The following MYOF variants were observed in gnomAD, a reference collection of about 807,000 sequenced individuals.
The protein encoded by MYOF is fer-1-like 3, myoferlin.
In MYOF, 244 loss-of-function variants were observed where a neutral mutation model predicts 284.2. The observed-to-expected ratio is 0.86, with a 90% CI of 0.77 to 0.95. MYOF has a LOEUF of 0.95. MYOF is among the 40% of genes least tolerant of loss of function. The pLI is 0.00. For synonymous variants in MYOF, 904 were observed against 919.7 expected, an observed-to-expected ratio of 0.98 and a Z score of 0.31; for missense variants, 2,496 against 2,560.6, an observed-to-expected ratio of 0.97 and a Z score of 0.54.
chr10:93,330,979 TTCAG>T (rs1486471761), intron 43 of MYOF, among the ~76,000 whole-genome samples: 1 of 152,236 alleles, frequency 6.6e-6, no homozygotes, highest in East Asian at 1.9e-4. Flanking sequence ...GAAAGAATTC[TTCAG>T]TCAAATAAGG....
In MYOF at chr10:93,397,292, T is replaced by TA. The variant is rs750996223; in HGVS notation, c.1291-3dup. On this transcript the variant is annotated splice_polypyrimidine_tract_variant and splice_region_variant and intron_variant, in intron 14 of 53. Transcript: ENST00000359263. ...TATTTTTTCACACACTGAAGGAAAC[T>TA]AAAAAAATGAGACAGAAAAAAGTAG... is the stretch of plus-strand genomic sequence containing the variant. 1.1e-5 allele frequency: 18 copies of TA among 1,602,454 alleles called. No homozygotes were observed. In the South Asian group the frequency reaches 1.4e-4, roughly 13 times the overall value.
intron 48 of MYOF, among the ~76,000 whole-genome samples, chr10:93,322,214 G>C (rs188503897): frequency 1.3e-3 from 193 of 152,180 alleles, no homozygotes; most frequent in Admixed American, 2.4e-3. Context: ...GTGAAACTTT[G>C]TTCTCACTTT....
intron 1 of MYOF, among the ~76,000 whole-genome samples, chr10:93,475,984 G>A (rs143142085): frequency 1.3e-4 from 20 of 152,304 alleles, no homozygotes; most frequent in Middle Eastern, 3.4e-3. Context: ...GAGTCTCTAA[G>A]CCTTGTTCTC....
chr10:93,428,063 A>G (rs1848673956), intron 4 of MYOF, among the ~76,000 whole-genome samples: 1 of 152,108 alleles, frequency 6.6e-6, no homozygotes, highest in African/African-American at 2.4e-5. Context: ...GTCCTTTGCA[A>G]ATAAGGATGG....
chr10:93,451,472 G>C (rs2056589058), intron 3 of MYOF, among the ~76,000 whole-genome samples: 1 of 152,168 alleles, frequency 6.6e-6, no homozygotes, highest in Admixed American at 6.5e-5. Flanking sequence ...ACGGGAACCT[G>C]TTTGGGAAGT....
intron 1 of MYOF, among the ~76,000 whole-genome samples, chr10:93,467,177 T>C (rs2057028722): frequency 6.6e-6 from 1 of 151,934 alleles, no homozygotes; most frequent in Non-Finnish European, 1.5e-5. Flanking sequence ...AATTTTATTA[T>C]TATTATACTT....
At chr10:93,438,134 T>C (rs532400410) in intron 3 of MYOF, among the ~76,000 whole-genome samples, 1 of 152,196 alleles carries the variant, frequency 6.6e-6, no homozygotes, top group South Asian at 2.1e-4. Context: ...TCCTGTTAGG[T>C]TGGGTTAGCC....
At chr10:93,369,109 G>GTTTTTTT (rs1564655832) in intron 25 of MYOF, among the ~76,000 whole-genome samples, 4 of 63,028 alleles carry the variant, frequency 6.3e-5, no homozygotes, top group African/African-American at 9.9e-5. Flanking sequence ...TATTCAGACA[G>GTTTTTTT]CTTTTTTTTT....
At chr10:93,307,535 C>T (rs549434614) in intron 53 of MYOF, among the ~76,000 whole-genome samples, 38 of 152,000 alleles carry the variant, frequency 2.5e-4, no homozygotes, top group Middle Eastern at 6.8e-3. Flanking sequence ...CTCCTGACCT[C>T]GTGATCCGCC....
chr10:93,465,538 CT>C (rs71031511), intron 1 of MYOF, among the ~76,000 whole-genome samples: 7 of 112,160 alleles, frequency 6.2e-5, no homozygotes, highest in African/African-American at 2.0e-4. Flanking sequence ...TTTTTCTTTT[CT>C]TTTTTTTTTT....
chr10:93,437,094 C>G (rs1171582806), intron 3 of MYOF, among the ~76,000 whole-genome samples: 1 of 152,056 alleles, frequency 6.6e-6, no homozygotes, highest in Non-Finnish European at 1.5e-5. Flanking sequence ...GTCTTTCAGC[C>G]CACGAATGTC....
At position 93,359,924 on chromosome 10, in the gene MYOF, G is replaced by T. The variant is rs751142952; in HGVS notation, c.3029C>A (p.Ala1010Glu). Reference protein sequence around the residue: ...PPDHKPKSWVAAEKMYHTHRR... With the variant: ...PPDHKPKSWVEAEKMYHTHRR... The stretch of plus-strand genomic sequence containing the variant: ...ATGAGTGTGGTACATTTTCTCTGCT[G>T]CAACCCAGGATTTGGGCTTATGATC... The change falls in exon 29 of 54, where the codon GCA (alanine) becomes GAA (glutamate). Residue 1010 changes from alanine to glutamate, a missense_variant. Physicochemically the swap from Ala to Glu is moderately radical, Grantham distance 107. Around this residue, in one of 3 missense-constraint regions of MYOF, gnomAD observed 2,436 missense variants for 2,480.7 expected, o/e 0.98. Coordinates refer to ENST00000359263, the MANE Select transcript of MYOF (RefSeq NM_013451.4). 6.2e-7 allele frequency: 1 copy of T among 1,614,134 alleles called. No individual in the cohort carries two copies. The highest frequency in any genetic ancestry group is 1.7e-5 in the Admixed American group (1 of 60,006).
At chr10:93,428,374 T>A (rs11187422) in intron 4 of MYOF, among the ~76,000 whole-genome samples, 4 of 386 alleles carry the variant, frequency 0.01, no homozygotes, top group African/African-American at 0.011. Context: ...CTAATTTTTG[T>A]TTTTTTTTTT....
intron 1 of MYOF, among the ~76,000 whole-genome samples, chr10:93,480,761 T>C (rs902921238): frequency 1.3e-5 from 2 of 151,994 alleles, no homozygotes; most frequent in Non-Finnish European, 2.9e-5. Context: ...CAGGCAGAAG[T>C]CACCACACCC....
chr10:93,457,324 C>T (rs2056767599), intron 1 of MYOF, among the ~76,000 whole-genome samples: 2 of 152,176 alleles, frequency 1.3e-5, no homozygotes. Flanking sequence ...TGAGCTCACA[C>T]CTGGCAGTGA....
At chr10:93,352,239 C>A (rs1031458295) in intron 32 of MYOF, among the ~76,000 whole-genome samples, 2 of 152,168 alleles carry the variant, frequency 1.3e-5, no homozygotes, top group African/African-American at 4.8e-5. Context: ...AAACGTTGAT[C>A]CCCTCCTCCA....
chr10:93,402,143 C>T, intron 11 of MYOF, 89 bp downstream of exon 11: 1 of 983,696 alleles, frequency 1.0e-6, no homozygotes, highest in Non-Finnish European at 1.6e-6. Flanking sequence ...AAGCTGTGCT[C>T]CATTTCACAA....
rs74361047 is a variant in MYOF, at chr10:93,327,389, C to T, written c.5131+1374G>A. ...TAGCAAAGGGACCAGAACTCCAGAT[C>T]CGGTAAGTGGGAGCATTCTGTATAT... On this transcript the variant is annotated intron_variant, in intron 45 of 53. Coordinates refer to ENST00000359263, the MANE Select transcript of MYOF (RefSeq NM_013451.4). Among the ~76,000 whole-genome samples the T allele has an allele frequency of 5.1e-3, 779 of 152,226 alleles. 15 individuals are homozygous for T. Among genetic ancestry groups the T allele is most frequent in the African/African-American group, 0.018 (750 of 41,464 alleles).
intron 9 of MYOF, 33 bp from the exon 10 acceptor site, chr10:93,402,923 A>C: frequency 6.4e-7 from 1 of 1,572,682 alleles, no homozygotes; most frequent in Non-Finnish European, 8.7e-7. Context: ...TAGTCTAAGT[A>C]GATTTTAAAA....
Sources: gnomAD v4.1 joint callset for allele counts (sites outside exome capture counted in the v4.1 genomes callset) on GRCh38, gnomAD v4.1.1 for gene constraint, gnomAD v4.1.1 regional missense constraint, MANE v1.5 for transcripts, NCBI Gene and HGNC (gene_info 2026-07-23, HGNC 2026-07-21) for gene names.